Variants in AKNA observed in about 807,000 individuals in gnomAD.
AKNA encodes the protein microtubule organization protein AKNA.
In AKNA, 67 loss-of-function variants were observed where a neutral mutation model predicts 138.8. The ratio of observed to expected loss-of-function variants is 0.48; its 90% confidence interval spans 0.40 to 0.59. AKNA has a LOEUF of 0.59. Ranked by LOEUF, AKNA falls within the 20% of genes least tolerant of loss-of-function variation. The pLI is 0.00. For synonymous variants in AKNA, 737 were observed against 754.4 expected, an observed-to-expected ratio of 0.98 and a Z score of 0.38; for missense variants, 1,813 against 1,880.4, an observed-to-expected ratio of 0.96 and a Z score of 0.66.
intron 12 of AKNA, among the ~76,000 whole-genome samples, chr9:114,357,617 G>A (rs1028718729): frequency 6.6e-6 from 1 of 152,212 alleles, no homozygotes; most frequent in African/African-American, 2.4e-5. Context: ...TGACTTTGCA[G>A]CAGTGATGTC....
chr9:114,397,119 T>C (rs1834558749), upstream of AKNA, among the ~76,000 whole-genome samples: 1 of 152,176 alleles, frequency 6.6e-6, no homozygotes, highest in East Asian at 1.9e-4. Flanking sequence ...CCGGCTGGAC[T>C]TTAGGAGGCA....
intron 16 of AKNA, among the ~76,000 whole-genome samples, chr9:114,347,210 T>G (rs1172244625): frequency 6.6e-6 from 1 of 152,054 alleles, no homozygotes; most frequent in African/African-American, 2.4e-5. Flanking sequence ...TTCATTGTAT[T>G]ATTCTTTATT....
chr9:114,348,583 C>T (rs137868223), intron 15 of AKNA, among the ~76,000 whole-genome samples: 52 of 152,334 alleles, frequency 3.4e-4, no homozygotes, highest in African/African-American at 1.2e-3. Context: ...AAGCTGTCTG[C>T]AAGACTATAG....
intron 1 of AKNA, among the ~76,000 whole-genome samples, chr9:114,393,276 C>T (rs577736744): frequency 2.3e-4 from 33 of 145,570 alleles, no homozygotes; most frequent in African/African-American, 7.5e-4. Flanking sequence ...AGGGCAGTGG[C>T]GCGATCTCAG....
At chr9:114,387,546 A>G (rs1213881094) in intron 1 of AKNA, among the ~76,000 whole-genome samples, 1 of 152,150 alleles carries the variant, frequency 6.6e-6, no homozygotes, top group Non-Finnish European at 1.5e-5. Context: ...TTAGCAACCA[A>G]GGACACTAAC....
At chr9:114,354,487 G>T (rs985108936) in intron 14 of AKNA, among the ~76,000 whole-genome samples, 4 of 152,190 alleles carry the variant, frequency 2.6e-5, no homozygotes, top group Non-Finnish European at 5.9e-5. Flanking sequence ...GCTGAGGAGG[G>T]CGGATCACGA....
In AKNA at chr9:114,351,796, A is replaced by G. The variant is rs906944706; in HGVS notation, c.3059-775T>C. On this transcript the variant is annotated intron_variant, in intron 14 of 21. Transcript: ENST00000374088. ...CAGTGAGCCATAATGGCGACACTGCACTGCAGCCTGGGTGACAGAGCAAGA... is the reference window on the plus strand; with the variant it reads ...CAGTGAGCCATAATGGCGACACTGCGCTGCAGCCTGGGTGACAGAGCAAGA... 4.6e-5 allele frequency among the ~76,000 whole-genome samples: 7 copies of G among 152,128 alleles called. No homozygotes were observed. In the South Asian group the frequency reaches 1.4e-3, roughly 31 times the overall value.
At chr9:114,369,015 T>C (rs1271729176) in intron 4 of AKNA, among the ~76,000 whole-genome samples, 1 of 152,248 alleles carries the variant, frequency 6.6e-6, no homozygotes, top group Non-Finnish European at 1.5e-5. Context: ...CCATATAACA[T>C]ATAATTATTT....
downstream of AKNA, chr9:114,330,865 G>C: frequency 6.2e-7 from 1 of 1,613,134 alleles, no homozygotes; most frequent in Non-Finnish European, 8.5e-7. Flanking sequence ...CAGATACGGT[G>C]AGGGCCAGCC....
intron 1 of AKNA, among the ~76,000 whole-genome samples, chr9:114,384,728 G>C (rs1833914067): frequency 6.6e-6 from 1 of 152,152 alleles, no homozygotes; most frequent in Non-Finnish European, 1.5e-5. Flanking sequence ...TTAACCAACT[G>C]TTTATGTTAT....
At chr9:114,331,588 C>G, downstream of AKNA, 1 of 1,613,928 alleles carries the variant, frequency 6.2e-7, no homozygotes. Context: ...GAACATGTTG[C>G]TCACCTGCTG....
chr9:114,359,395 G>C (rs1424084689), intron 11 of AKNA, 199 bp downstream of exon 11: 2 of 1,021,060 alleles, frequency 2.0e-6, no homozygotes, highest in African/African-American at 3.3e-5. Context: ...AATACTGCAT[G>C]TGTCCTACTG....
rs1438594804 is a variant in AKNA at position 114,359,682 on chromosome 9, C to T, written c.2404G>A (p.Ala802Thr). 2.5e-6 allele frequency: 4 copies of T among 1,613,016 alleles called. No homozygotes were observed. Among genetic ancestry groups the T allele is most frequent in the Admixed American group, 1.7e-5 (1 of 59,882 alleles). Reference sequence around the variant, plus strand: ...GCCTCTGCTTTCCCTGGAGTTGCAGCCACCCCATCAACTTCCAGGGAGTCA... The same window carrying T: ...GCCTCTGCTTTCCCTGGAGTTGCAGTCACCCCATCAACTTCCAGGGAGTCA... ...GGDSLEVDGV[A>T]ATPGKAEATR... The change falls in exon 11 of 22, where the codon GCT becomes ACT. Residue 802 changes from alanine to threonine, a missense_variant. Transcript: ENST00000374088.
intron 15 of AKNA, among the ~76,000 whole-genome samples, 180 bp from the exon 16 acceptor site, chr9:114,348,080 A>G (rs531334220): frequency 6.6e-6 from 1 of 152,220 alleles, no homozygotes; most frequent in South Asian, 2.1e-4. Context: ...ACAACTTGAC[A>G]CCTTTCTGAG....
Position 114,362,467 on chromosome 9 carries a change from G to C in AKNA, c.1855C>G (p.Gln619Glu), listed in dbSNP as rs1265157185. 6.2e-7 allele frequency: 1 copy of C among 1,613,158 alleles called. No homozygotes were observed. Among genetic ancestry groups the C allele is most frequent in the Admixed American group, 1.7e-5 (1 of 59,926 alleles). The change falls in exon 8 of 22, where the codon CAA becomes GAA. Residue 619 changes from glutamine to glutamate, a missense_variant. Physicochemically the swap from Gln to Glu is conservative, Grantham distance 29. Transcript: ENST00000374088. ...CCGGCAAGCGGCTGGGCAGGGTGTTGCTCCCGACAAGCCTTCAGGTACTCC... is the reference window on the plus strand; with the variant it reads ...CCGGCAAGCGGCTGGGCAGGGTGTTCCTCCCGACAAGCCTTCAGGTACTCC... ...EEEYLKACRE[Q>E]HPAQPLAGSK...
chr9:114,343,684 A>T (rs1318326921), intron 19 of AKNA, 24 bp downstream of exon 19: 1 of 1,611,928 alleles, frequency 6.2e-7, no homozygotes, highest in South Asian at 1.1e-5. Flanking sequence ...TGCCTGGGCC[A>T]GTTTTCCAGG....
At chr9:114,388,743 G>A (rs1834216086), upstream of AKNA, among the ~76,000 whole-genome samples, 1 of 152,224 alleles carries the variant, frequency 6.6e-6, no homozygotes, top group Non-Finnish European at 1.5e-5. Flanking sequence ...TGTGGCGGGT[G>A]CTTTTAAATC....
upstream of AKNA, among the ~76,000 whole-genome samples, chr9:114,394,628 T>C (rs913215446): frequency 6.6e-6 from 1 of 152,208 alleles, no homozygotes; most frequent in African/African-American, 2.4e-5. Context: ...ACTTTTTGCA[T>C]TTGGAGGCAT....
At chr9:114,396,888 A>C (rs1834550639), upstream of AKNA, 1 of 152,208 alleles carries the variant, frequency 6.6e-6, no homozygotes, top group South Asian at 2.1e-4. Context: ...TGCTTTAAAA[A>C]TACTTTTCCT....
Sources: gnomAD v4.1 joint callset for allele counts (sites outside exome capture counted in the v4.1 genomes callset) on GRCh38, gnomAD v4.1.1 for gene constraint, MANE v1.5 for transcripts, NCBI Gene and HGNC (gene_info 2026-07-23, HGNC 2026-07-21) for gene names.